The following CACNA1A variants were observed in gnomAD, a reference collection of about 807,000 sequenced individuals.
CACNA1A encodes calcium voltage-gated channel subunit alpha1 A.
In CACNA1A, 57 loss-of-function variants were observed where a neutral mutation model predicts 262.4. That is an observed-to-expected ratio of 0.22 (90% CI 0.18 to 0.27). The LOEUF (loss-of-function observed/expected upper bound fraction) is 0.27. Among genes scored for constraint, CACNA1A ranks in the 10% least tolerant of loss-of-function variants. CACNA1A has a pLI of 1.00. For synonymous variants in CACNA1A, 1,431 were observed against 1,419.3 expected, an observed-to-expected ratio of 1.01 and a Z score of -0.18; for missense variants, 2,526 against 3,562.8, an observed-to-expected ratio of 0.71 and a Z score of 7.41.
intron 6 of CACNA1A, among the ~76,000 whole-genome samples, chr19:13,338,144 G>C (rs1428794284): frequency 6.6e-6 from 1 of 152,184 alleles, no homozygotes; most frequent in Non-Finnish European, 1.5e-5. Context: ...GAACCCAGAA[G>C]GCGGAGCTTG....
In CACNA1A at chr19:13,212,195, C is replaced by G; in HGVS notation, c.6211G>C (p.Gly2071Arg). 6.2e-7 allele frequency: 1 copy of G among 1,613,912 alleles called. No homozygotes were observed. Among genetic ancestry groups the G allele is most frequent in the Non-Finnish European group, 8.5e-7 (1 of 1,179,822 alleles). The change falls in exon 43 of 47, where the codon GGC becomes CGC. Residue 2071 changes from glycine to arginine, a missense_variant. Physicochemically the swap from Gly to Arg is moderately radical, Grantham distance 125. This residue lies in a region of CACNA1A where 929 missense variants were observed against 868.1 expected (regional missense o/e 1.07). Transcript: ENST00000360228. This position sits in a 1 kb window ranked among gnomAD's most constrained non-coding sequence, Gnocchi z 5.6. ...TCGCTGTCGGAGTAGCCATCTCTGCCCATCTCTCGCATCTCCACGGACTGC... is the reference window on the plus strand; with the variant it reads ...TCGCTGTCGGAGTAGCCATCTCTGCGCATCTCTCGCATCTCCACGGACTGC... ...NSQSVEMREMGRDGYSDSEHY... is the reference protein window; with the variant it reads ...NSQSVEMREMRRDGYSDSEHY...
chr19:13,236,615 AG>A lies in CACNA1A; in HGVS notation c.4951-886del, dbSNP rs1025981881. On this transcript the variant is annotated intron_variant, in intron 31 of 46. Coordinates refer to ENST00000360228, the MANE Select transcript of CACNA1A (RefSeq NM_001127222.2). The surrounding 1 kb of genome is among the most constrained non-coding windows in gnomAD (Gnocchi z 4.6). ...GGGCTGGGTGGAGTAGCACGGGACC[AG>A]GCCTGCAGGAAGCAGGAAGCACTCA... 3.9e-5 allele frequency: 6 copies of A among 152,648 alleles called. No homozygotes were observed. Among genetic ancestry groups the A allele is most frequent in the Non-Finnish European group, 1.5e-5 (1 of 68,100 alleles). The allele number at this position is 152,648 out of a possible 1,614,324, so 9.5% of individuals were successfully genotyped here. A position where few individuals can be genotyped will look rare whatever the true frequency, so the allele number is the denominator to read the frequency against.
At position 13,255,266 on chromosome 19, in the gene CACNA1A, G is replaced by GA. The variant is rs1205514494; in HGVS notation, c.4591-8dup. The GA allele has an allele frequency of 6.3e-7, 1 of 1,586,570 alleles. No individual in the cohort carries two copies. Among genetic ancestry groups the GA allele is most frequent in the African/African-American group, 1.3e-5 (1 of 74,632 alleles). The stretch of plus-strand genomic sequence containing the variant: ...CGAAATCAATGCAGGCCCTCTGCGG[G>GA]AGAGAGGCCAGTGGTGAGAGCGGCA... On this transcript the variant is annotated splice_polypyrimidine_tract_variant and splice_region_variant and intron_variant, in intron 28 of 46. Coordinates refer to ENST00000360228, the MANE Select transcript of CACNA1A (RefSeq NM_001127222.2).
rs117965269 is a variant in CACNA1A, at chr19:13,360,819, T to C, written c.785-1020A>G. 4.2e-3 allele frequency among the ~76,000 whole-genome samples: 643 copies of C among 152,338 alleles called. 12 individuals are homozygous for C. The highest frequency in any genetic ancestry group is 0.029 in the Admixed American group (448 of 15,286). ...AAAGCTCAGACATCATATCATTTCA[T>C]CCATAAATGAGAGGCATGTCTGTTA... On this transcript the variant is annotated intron_variant, in intron 5 of 46. Transcript: ENST00000360228.
rs538241765 is a variant in CACNA1A at position 13,223,780 on chromosome 19, C to T, written c.5731+887G>A. On this transcript the variant is annotated intron_variant, in intron 38 of 46. Transcript: ENST00000360228. Reference sequence around the variant, plus strand: ...TCCATGAGACACTGCCTTACCTCCTCAGTGGCGGCCTCCCCATCCATCTAA... The same window carrying T: ...TCCATGAGACACTGCCTTACCTCCTTAGTGGCGGCCTCCCCATCCATCTAA... Among the ~76,000 whole-genome samples the T allele has an allele frequency of 8.5e-5, 13 of 152,310 alleles. No individual in the cohort carries two copies. The South Asian group carries it at 2.7e-3, about 32-fold the overall frequency.
intron 3 of CACNA1A, among the ~76,000 whole-genome samples, chr19:13,442,472 C>T (rs1234821946): frequency 6.6e-6 from 1 of 152,138 alleles, no homozygotes; most frequent in African/African-American, 2.4e-5. Context: ...GGGAGTGTAC[C>T]AAGAGGAAGC....
intron 3 of CACNA1A, among the ~76,000 whole-genome samples, chr19:13,397,572 C>T (rs994100143): frequency 2.0e-5 from 3 of 152,054 alleles, no homozygotes; most frequent in African/African-American, 4.8e-5. Flanking sequence ...AGTTAGACTC[C>T]GTTTCCCAGC....
chr19:13,311,564 G>A (rs2058034042), intron 12 of CACNA1A, among the ~76,000 whole-genome samples: 1 of 152,216 alleles, frequency 6.6e-6, no homozygotes, highest in Non-Finnish European at 1.5e-5. Context: ...CTGGCTGGGT[G>A]TGGTGGCTCA....
chr19:13,439,289 T>A (rs1182448337), intron 3 of CACNA1A, among the ~76,000 whole-genome samples: 2 of 151,200 alleles, frequency 1.3e-5, no homozygotes, highest in African/African-American at 4.9e-5. Context: ...GTTGTATTTT[T>A]AATAAAGACG....
At chr19:13,441,329 G>A (rs1471555106) in intron 3 of CACNA1A, among the ~76,000 whole-genome samples, 2 of 151,596 alleles carry the variant, frequency 1.3e-5, no homozygotes, top group South Asian at 4.2e-4. Context: ...GAAGCAGCTG[G>A]GTTGCAAAGC....
At chr19:13,319,199 A>T (rs2058194730) in intron 10 of CACNA1A, among the ~76,000 whole-genome samples, 1 of 152,190 alleles carries the variant, frequency 6.6e-6, no homozygotes, top group African/African-American at 2.4e-5. Flanking sequence ...CAGGCTTAAG[A>T]TACCTTTTCT....
chr19:13,260,264 C>T (rs1199020202), intron 26 of CACNA1A: 1 of 150,682 alleles, frequency 6.6e-6, no homozygotes, highest in Non-Finnish European at 1.5e-5. Flanking sequence ...CATATATATA[C>T]ACACACACAT....
intron 1 of CACNA1A, among the ~76,000 whole-genome samples, chr19:13,493,567 T>C (rs1305900287): frequency 6.6e-6 from 1 of 152,274 alleles, no homozygotes; most frequent in East Asian, 1.9e-4. Context: ...TTAACTGTTC[T>C]TTCTCTGTTC....
intron 6 of CACNA1A, among the ~76,000 whole-genome samples, chr19:13,343,553 T>C (rs2058710890): frequency 6.6e-6 from 1 of 152,102 alleles, no homozygotes; most frequent in South Asian, 2.1e-4. Flanking sequence ...CACATGGACA[T>C]TCTCCAAGAC....
At chr19:13,392,994 C>A (rs1037135900) in intron 3 of CACNA1A, among the ~76,000 whole-genome samples, 1 of 152,160 alleles carries the variant, frequency 6.6e-6, no homozygotes, top group African/African-American at 2.4e-5. Flanking sequence ...GTCTCGAACT[C>A]CTGAGCTCAA....
At chr19:13,393,356 T>C (rs1289000994) in intron 3 of CACNA1A, among the ~76,000 whole-genome samples, 1 of 152,154 alleles carries the variant, frequency 6.6e-6, no homozygotes, top group Non-Finnish European at 1.5e-5. Flanking sequence ...AAGAAGTCAA[T>C]GCATGCATGC....
chr19:13,410,183 C>A (rs867617676), intron 3 of CACNA1A, among the ~76,000 whole-genome samples: 32 of 152,178 alleles, frequency 2.1e-4, no homozygotes, highest in Middle Eastern at 3.4e-3. Flanking sequence ...ATGTTTTTCT[C>A]CCCTAATAGG....
chr19:13,308,335 T>C lies in CACNA1A; in HGVS notation c.1781+81A>G. 6.4e-7 allele frequency: 1 copy of C among 1,558,944 alleles called. No homozygotes were observed. The highest frequency in any genetic ancestry group is 8.7e-7 in the Non-Finnish European group (1 of 1,148,302). On this transcript the variant is annotated intron_variant, in intron 13 of 46. Transcript: ENST00000360228. The surrounding 1 kb of genome is among the most constrained non-coding windows in gnomAD (Gnocchi z 4.2). ...CAGCCCTCGAAACACGAGGCTCACTTTCCCAACTTTCTGGAGGCGGCCCCA... is the reference window on the plus strand; with the variant it reads ...CAGCCCTCGAAACACGAGGCTCACTCTCCCAACTTTCTGGAGGCGGCCCCA...
At chr19:13,464,830 G>C (rs1190222055) in intron 1 of CACNA1A, among the ~76,000 whole-genome samples, 1 of 151,864 alleles carries the variant, frequency 6.6e-6, no homozygotes, top group Non-Finnish European at 1.5e-5. Flanking sequence ...TTACAGGCGT[G>C]AGCCACTGCG....
Sources: gnomAD v4.1 joint callset for allele counts (sites outside exome capture counted in the v4.1 genomes callset) on GRCh38, gnomAD v4.1.1 for gene constraint, gnomAD v4.1.1 regional missense constraint, Gnocchi (gnomAD v3.1) non-coding constraint, MANE v1.5 for transcripts, NCBI Gene and HGNC (gene_info 2026-07-23, HGNC 2026-07-21) for gene names.